The following PTPN3 variants were observed in gnomAD, a reference collection of about 807,000 sequenced individuals.
PTPN3 encodes the protein protein tyrosine phosphatase non-receptor type 3.
A neutral mutation model predicts 132.7 loss-of-function variants in PTPN3; 96 were observed. The ratio of observed to expected loss-of-function variants is 0.72; its 90% CI spans 0.61 to 0.86. The LOEUF is 0.86. Ranked by LOEUF, PTPN3 falls within the 40% of genes least tolerant of loss-of-function variation. The pLI is 0.00. For missense variants in PTPN3, 1,125 were observed against 1,159.6 expected (o/e 0.97, Z 0.43); for synonymous variants, 398 against 429.0 (o/e 0.93, Z 0.89).
chr9:109,419,398 C>T (rs1239647790), intron 14 of PTPN3, among the ~76,000 whole-genome samples: 1 of 152,172 alleles, frequency 6.6e-6, no homozygotes, highest in Non-Finnish European at 1.5e-5. Context: ...TGCCTGCTTG[C>T]TAATCCTCAG....
chr9:109,425,709 A>G (rs919353543), intron 12 of PTPN3, among the ~76,000 whole-genome samples: 1 of 146,484 alleles, frequency 6.8e-6, no homozygotes, highest in Non-Finnish European at 1.5e-5. Flanking sequence ...TCAAAACAAA[A>G]CAAAACAAAA....
chr9:109,504,523 A>G, the PTPN3 span, among the ~76,000 whole-genome samples: 3 of 152,226 alleles, frequency 2.0e-5, no homozygotes, highest in Admixed American at 2.0e-4. Flanking sequence ...AGTCCAGATT[A>G]TGCATATATT....
chr9:109,415,031 T>TCC, intron 14 of PTPN3, among the ~76,000 whole-genome samples: 1 of 62,324 alleles, frequency 1.6e-5, no homozygotes, highest in East Asian at 4.1e-4. Context: ...TTTGTCCGTC[T>TCC]GTCCGTCCGT....
intron 19 of PTPN3, among the ~76,000 whole-genome samples, chr9:109,398,402 A>G (rs1400329489): frequency 6.6e-6 from 1 of 152,214 alleles, no homozygotes; most frequent in African/African-American, 2.4e-5. Flanking sequence ...TATAATTATC[A>G]CAGGAGCCAG....
chr9:109,420,393 A>T (rs1842809533), intron 14 of PTPN3, 31 bp downstream of exon 14: 1 of 1,557,684 alleles, frequency 6.4e-7, no homozygotes, highest in African/African-American at 1.4e-5. Flanking sequence ...AAAAGCAAAT[A>T]CCCAGAAATA....
intron 14 of PTPN3, among the ~76,000 whole-genome samples, chr9:109,415,040 GTCCGTCCGTCCATCCGTCCA>G (rs1564413437): frequency 4.1e-5 from 6 of 147,058 alleles, no homozygotes; most frequent in Non-Finnish European, 3.0e-5. Context: ...CTGTCCGTCC[GTCCGTCCGTCCATCCGTCCA>G]TCCGTCCGTC....
intron 1 of PTPN3, among the ~76,000 whole-genome samples, chr9:109,478,628 G>A (rs550856649): frequency 1.3e-5 from 2 of 152,356 alleles, no homozygotes; most frequent in Admixed American, 6.5e-5. Flanking sequence ...ACCACCTAGA[G>A]GAGGATGGCT....
chr9:109,484,826 C>G (rs1435942417), intron 1 of PTPN3, among the ~76,000 whole-genome samples: 1 of 152,206 alleles, frequency 6.6e-6, no homozygotes, highest in East Asian at 1.9e-4. Context: ...CATCCTCACG[C>G]AGTCCTCAGC....
chr9:109,487,672 A>G (rs1362858320), intron 1 of PTPN3, among the ~76,000 whole-genome samples: 1 of 152,258 alleles, frequency 6.6e-6, no homozygotes, highest in Non-Finnish European at 1.5e-5. Flanking sequence ...AAGAAGAAAA[A>G]GACAGCCTAG....
chr9:109,391,249 A>C, intron 20 of PTPN3, 50 bp from the exon 21 acceptor site: 1 of 1,548,086 alleles, frequency 6.5e-7, no homozygotes. Flanking sequence ...TATTTTTATC[A>C]TACCAAGTAA....
chr9:109,391,162 A>G lies in PTPN3; in HGVS notation c.2082T>C (p.Asp694=). 1 of 1,613,722 alleles carries G rather than the reference A, an allele frequency of 6.2e-7. No individual in the cohort carries two copies. Among genetic ancestry groups the G allele is most frequent in the Non-Finnish European group, 8.5e-7 (1 of 1,179,756 alleles). Residue 694 remains aspartate (D), a synonymous_variant, in exon 21 of 26, where the codon GAT becomes GAC. Transcript: ENST00000374541. ...CGTTCACGTAACTTGCATTAATATA[A>G]TCTTCATTTCCCTGCAATAATACCC... ...TTRVLLQGNE[D]YINASYVNME...
chr9:109,387,770 C>A (rs1839717707), intron 22 of PTPN3, among the ~76,000 whole-genome samples: 1 of 152,158 alleles, frequency 6.6e-6, no homozygotes, highest in Non-Finnish European at 1.5e-5. Flanking sequence ...GCATTATTCA[C>A]GTGTAGTAGC....
the PTPN3 span, among the ~76,000 whole-genome samples, chr9:109,531,665 C>G: frequency 6.6e-6 from 1 of 152,126 alleles, no homozygotes; most frequent in Non-Finnish European, 1.5e-5. Flanking sequence ...AAGCTGGGAG[C>G]TCTACTTATA....
At chr9:109,414,738 A>C (rs1564412827) in intron 14 of PTPN3, among the ~76,000 whole-genome samples, 2 of 152,242 alleles carry the variant, frequency 1.3e-5, no homozygotes, top group Non-Finnish European at 1.5e-5. Context: ...CTCACTGGCA[A>C]GAAAGCACTT....
chr9:109,489,887 A>AGG (rs1847377900), intron 1 of PTPN3, among the ~76,000 whole-genome samples: 1 of 152,128 alleles, frequency 6.6e-6, no homozygotes, highest in African/African-American at 2.4e-5. Context: ...CTGCAACTAA[A>AGG]TAACAACATC....
rs369138815 is a variant in PTPN3 at position 109,422,809 on chromosome 9, C to T, written c.1045G>A (p.Val349Met). 1.4e-5 allele frequency: 23 copies of T among 1,612,946 alleles called. No homozygotes were observed. Among genetic ancestry groups the T allele is most frequent in the Non-Finnish European group, 1.8e-5 (21 of 1,178,946 alleles). Residue 349 changes from valine (V) to methionine (M), a missense_variant, in exon 13 of 26, where the codon GTG (valine) becomes ATG (methionine). Coordinates refer to ENST00000374541, the MANE Select transcript of PTPN3 (RefSeq NM_002829.4). ...GATCTCCGCATGGCTGGGTTCCACA[C>T]CATCCCGCCAATCACCTTTTTGCAA... ...QYCKKVIGGMVWNPAMRRSLS... is the reference protein window; with the variant it reads ...QYCKKVIGGMMWNPAMRRSLS...
the PTPN3 span, among the ~76,000 whole-genome samples, chr9:109,536,272 A>G: frequency 6.6e-6 from 1 of 152,166 alleles, no homozygotes; most frequent in Non-Finnish European, 1.5e-5. Flanking sequence ...TCATCCATTC[A>G]TGGACATTGG....
At chr9:109,476,225 T>C (rs1049767674) in intron 1 of PTPN3, among the ~76,000 whole-genome samples, 1 of 152,174 alleles carries the variant, frequency 6.6e-6, no homozygotes, top group Non-Finnish European at 1.5e-5. Context: ...CAGGGCTTTG[T>C]ACCCTGATAA....
chr9:109,484,363 G>C (rs913763833), intron 1 of PTPN3, among the ~76,000 whole-genome samples: 6 of 152,290 alleles, frequency 3.9e-5, no homozygotes, highest in Admixed American at 2.6e-4. Context: ...CAGGAGGCTC[G>C]AGCAGGGCCC....
Sources: gnomAD v4.1 joint callset for allele counts (sites outside exome capture counted in the v4.1 genomes callset) on GRCh38, gnomAD v4.1.1 for gene constraint, MANE v1.5 for transcripts, NCBI Gene and HGNC (gene_info 2026-07-23, HGNC 2026-07-21) for gene names.